The following FANCB variants were observed in gnomAD, a reference collection of about 807,000 sequenced individuals.
FANCB encodes the protein Fanconi anemia group B protein.
Under a neutral mutation model 38.9 loss-of-function variants are expected in FANCB, and 5 were observed. The observed-to-expected ratio is 0.13, with a 90% CI of 0.07 to 0.27. The LOEUF (loss-of-function observed/expected upper bound fraction) is 0.27. FANCB is among the 10% of genes least tolerant of loss of function. The probability of loss-of-function intolerance (pLI) is 1.00; values close to 1 mark genes in which losing one functional copy is unlikely to be tolerated. For synonymous variants in FANCB, 236 were observed against 215.4 expected (o/e 1.10, Z -0.84); for missense variants, 573 against 602.7 (o/e 0.95, Z 0.52).
chrX:14,821,057 T>A, the FANCB span, among the ~76,000 whole-genome samples: 1 of 111,826 alleles, frequency 8.9e-6, no homozygotes, highest in Non-Finnish European at 1.9e-5. Context: ...AGATATATAT[T>A]CTGAATGCCT....
At chrX:14,814,884 G>A in the FANCB span, among the ~76,000 whole-genome samples, 3 of 111,706 alleles carry the variant, frequency 2.7e-5, no homozygotes, top group East Asian at 2.8e-4. Flanking sequence ...TGATTATTGC[G>A]GCACTATTCA....
chrX:14,804,498 CG>C, the FANCB span, among the ~76,000 whole-genome samples: 1 of 110,582 alleles, frequency 9.0e-6, no homozygotes, highest in Non-Finnish European at 1.9e-5. Context: ...GTGAGGGGAG[CG>C]GGGAGGGATA....
the FANCB span, among the ~76,000 whole-genome samples, chrX:14,754,865 C>T: frequency 1.1e-3 from 119 of 110,775 alleles, 2 homozygotes; most frequent in East Asian, 0.026. Flanking sequence ...TACCCTGTTA[C>T]GAAAACCAGA....
the FANCB span, among the ~76,000 whole-genome samples, chrX:14,808,691 A>G: frequency 1.8e-5 from 2 of 112,208 alleles, no homozygotes; most frequent in Non-Finnish European, 3.8e-5. Flanking sequence ...CTAATTCAAC[A>G]TAGTACTGGA....
At chrX:14,811,251 G>A in the FANCB span, among the ~76,000 whole-genome samples, 1 of 111,438 alleles carries the variant, frequency 9.0e-6, no homozygotes, top group African/African-American at 3.3e-5. Context: ...GGAAGAAACT[G>A]CATCAACTAA....
chrX:14,739,974 T>C, the FANCB span, among the ~76,000 whole-genome samples: 1 of 111,674 alleles, frequency 9.0e-6, no homozygotes, highest in Non-Finnish European at 1.9e-5. Flanking sequence ...CTTTGTGAAG[T>C]GTGTACCACA....
chrX:14,775,270 C>T, the FANCB span, among the ~76,000 whole-genome samples: 1 of 101,997 alleles, frequency 9.8e-6, no homozygotes, highest in Admixed American at 1.1e-4. Flanking sequence ...CCCATCTTCG[C>T]GCTTCTATAC....
the FANCB span, among the ~76,000 whole-genome samples, chrX:14,782,814 T>A: frequency 9.0e-6 from 1 of 111,685 alleles, no homozygotes; most frequent in South Asian, 3.7e-4. Flanking sequence ...GGGCTCTTGA[T>A]TAGTCGGGGG....
At chrX:14,811,193 T>C in the FANCB span, among the ~76,000 whole-genome samples, 1 of 111,271 alleles carries the variant, frequency 9.0e-6, no homozygotes, top group Admixed American at 9.6e-5. Flanking sequence ...GAACAACCGG[T>C]ACCAGCCACT....
chrX:14,815,380 A>AG, the FANCB span, among the ~76,000 whole-genome samples: 39 of 111,716 alleles, frequency 3.5e-4, no homozygotes, highest in African/African-American at 1.1e-3. Flanking sequence ...AGGTAAAAAA[A>AG]AAAAGAAAAG....
At chrX:14,839,734 T>C (rs931711371), downstream of FANCB, among the ~76,000 whole-genome samples, 2 of 111,960 alleles carry the variant, frequency 1.8e-5, no homozygotes, top group Non-Finnish European at 3.8e-5. Context: ...TGTTTTGTAA[T>C]AAACTGTTTC....
At chrX:14,824,687 T>G in the FANCB span, among the ~76,000 whole-genome samples, 1 of 112,324 alleles carries the variant, frequency 8.9e-6, no homozygotes, top group African/African-American at 3.2e-5. Flanking sequence ...TACCTATTAT[T>G]TTTTCATTTT....
intron 7 of FANCB, among the ~76,000 whole-genome samples, chrX:14,846,830 GAA>G (rs764339798): frequency 5.3e-5 from 5 of 95,226 alleles, no homozygotes; most frequent in Non-Finnish European, 2.1e-5. Context: ...TACTTTGCAT[GAA>G]AAAAAAAAAA....
chrX:14,830,000 T>G, the FANCB span, among the ~76,000 whole-genome samples: 1 of 111,938 alleles, frequency 8.9e-6, no homozygotes, highest in Non-Finnish European at 1.9e-5. Flanking sequence ...TGATTTCAAG[T>G]GAGAGACATG....
chrX:14,807,864 G>A, the FANCB span, among the ~76,000 whole-genome samples: 28 of 111,463 alleles, frequency 2.5e-4, no homozygotes, highest in Non-Finnish European at 4.2e-4. Flanking sequence ...AATAAAATCC[G>A]AAATGAAAAA....
chrX:14,706,203 C>T, the FANCB span, among the ~76,000 whole-genome samples: 994 of 111,873 alleles, frequency 8.9e-3, 5 homozygotes, highest in African/African-American at 0.03. Context: ...CCAGCAGCAT[C>T]AGCATCACCT....
intron 7 of FANCB, among the ~76,000 whole-genome samples, chrX:14,847,010 T>C (rs922089323): frequency 9.1e-6 from 1 of 110,451 alleles, no homozygotes; most frequent in Non-Finnish European, 1.9e-5. Context: ...GGTAATTATA[T>C]AAGTTCTTAT....
At chrX:14,689,812 A>G in the FANCB span, among the ~76,000 whole-genome samples, 26 of 111,962 alleles carry the variant, frequency 2.3e-4, no homozygotes, top group Non-Finnish European at 4.3e-4. Flanking sequence ...TCCTCCAATT[A>G]TTTTTCCCTT....
the FANCB span, chrX:14,730,394 G>A: frequency 4.1e-6 from 5 of 1,204,900 alleles, no homozygotes; most frequent in Non-Finnish European, 4.5e-6. Context: ...ACGATATCTC[G>A]AGCTGCCTTC....
Sources: allele counts gnomAD v4.1 joint callset (sites outside exome capture counted in the v4.1 genomes callset), GRCh38; gene constraint gnomAD v4.1.1; transcripts MANE v1.5; gene names NCBI Gene and HGNC (gene_info 2026-07-23, HGNC 2026-07-21).